TLE2: variants seen among roughly 807,000 people sequenced by gnomAD.
The protein encoded by TLE2 is transducin-like enhancer protein 2.
A neutral mutation model predicts 97.2 loss-of-function variants in TLE2; 74 were observed. That is an observed-to-expected ratio of 0.76 (90% CI 0.63 to 0.92). The LOEUF is 0.92. Ranked by LOEUF, TLE2 falls within the 40% of genes least tolerant of loss-of-function variation. The pLI, the probability that TLE2 is intolerant of heterozygous loss-of-function variation, is 0.00. For synonymous variants in TLE2, 499 were observed against 432.1 expected, an observed-to-expected ratio of 1.15 and a Z score of -1.92; for missense variants, 1,038 against 1,008.7, an observed-to-expected ratio of 1.03 and a Z score of -0.39.
rs1353510564 is a variant in TLE2, at chr19:3,019,943, A to AAT, written c.295-171_295-170insAT. Reference sequence around the variant, plus strand: ...CTCTCCCTTTCCTTTTGGAATTTTGAAATAAGCACACGGAGAAAGAAACCA... The same window carrying AAT: ...CTCTCCCTTTCCTTTTGGAATTTTGAATAATAAGCACACGGAGAAAGAAACCA... On this transcript the variant is annotated intron_variant, in intron 5 of 19. Transcript: ENST00000262953. The surrounding 1 kb of genome is among the most constrained non-coding windows in gnomAD (Gnocchi z 5.1). 1 of 901,862 alleles carries AAT rather than the reference A, an allele frequency of 1.1e-6. No individual in the cohort carries two copies. The highest frequency in any genetic ancestry group is 1.7e-5 in the African/African-American group (1 of 59,620). The allele number at this position is 901,862 out of a possible 1,614,324, so 55.9% of individuals were successfully genotyped here. A position where few individuals can be genotyped will look rare whatever the true frequency, so the allele number is the denominator to read the frequency against.
rs2089989080 is a variant in TLE2, at chr19:3,028,730, T to C, written c.98A>G (p.Gln33Arg). 1 of 1,612,678 alleles carries C rather than the reference T, an allele frequency of 6.2e-7. No individual in the cohort carries two copies. The highest frequency in any genetic ancestry group is 8.5e-7 in the Non-Finnish European group (1 of 1,179,748). ...CCTGTGGTATTGAGCCTGAAGAAAC[T>C]GGAATTCTTCTTTGATGCGGTCGCA... ...EICDRIKEEF[Q>R]FLQAQYHSLK... The change falls in exon 2 of 20, where the codon CAG becomes CGG. Residue 33 changes from glutamine to arginine, a missense_variant. Physicochemically the swap from Gln to Arg is conservative, Grantham distance 43 (BLOSUM62 1). Transcript: ENST00000262953.
At position 3,005,939 on chromosome 19, in the gene TLE2, C is replaced by G; in HGVS notation, c.1530G>C (p.Lys510Asn). The change falls in exon 16 of 20, where the codon AAG becomes AAC. Residue 510 changes from lysine (K) to asparagine (N), a missense_variant. Physicochemically the swap from Lys to Asn is moderately conservative, Grantham distance 94. Coordinates refer to ENST00000262953, the MANE Select transcript of TLE2 (RefSeq NM_003260.5). ...LNRDNYIRSC[K>N]LLPDGRSLIV... The stretch of plus-strand genomic sequence containing the variant: ...TCAGACTCCGGCCATCCGGCAGCAA[C>G]TTGCAGGAACGAATGTAGTTGTCTC... The G allele has an allele frequency of 2.5e-6, 4 of 1,610,866 alleles. No homozygotes were observed. The highest frequency in any genetic ancestry group is 3.4e-6 in the Non-Finnish European group (4 of 1,177,380).
chr19:3,028,810 G>C lies in TLE2; in HGVS notation c.25-7C>G, dbSNP rs202144655. On this transcript the variant is annotated splice_region_variant and splice_polypyrimidine_tract_variant and intron_variant, in intron 1 of 19. Coordinates refer to ENST00000262953, the MANE Select transcript of TLE2 (RefSeq NM_003260.5). ...GGCCGGACTGGAGCGGGGTCTGGGG[G>C]GGGTGTGGGGGAAACGTCAGGGTCT... 8.1e-6 allele frequency: 13 copies of C among 1,612,230 alleles called. No individual in the cohort carries two copies. The highest frequency in any genetic ancestry group is 1.7e-4 in the Middle Eastern group (1 of 6,042).
intron 1 of TLE2, among the ~76,000 whole-genome samples, chr19:3,045,309 T>C (rs972447126): frequency 1.3e-5 from 2 of 152,206 alleles, no homozygotes; most frequent in African/African-American, 2.4e-5. Context: ...AGGCCCTACC[T>C]GGGACCATGC....
intron 10 of TLE2, 136 bp from the exon 11 acceptor site, chr19:3,013,954 T>G: frequency 1.1e-6 from 1 of 889,650 alleles, no homozygotes; most frequent in East Asian, 3.1e-5. Context: ...TTATGAAATC[T>G]TCTGCTGCCT....
At chr19:2,998,248 T>C (rs2089265304) in intron 19 of TLE2, among the ~76,000 whole-genome samples, 2 of 110,046 alleles carry the variant, frequency 1.8e-5, no homozygotes, top group African/African-American at 1.3e-4. Flanking sequence ...TGTGTGTGTG[T>C]GTGTGTGTGT....
intron 18 of TLE2, among the ~76,000 whole-genome samples, chr19:3,001,861 G>A (rs1387492234): frequency 7.4e-6 from 1 of 135,210 alleles, no homozygotes; most frequent in East Asian, 2.2e-4. Flanking sequence ...GCAGTGGCAT[G>A]ATCTTGGCTC....
chr19:3,028,798 C>T lies in TLE2; in HGVS notation c.30G>A (p.Pro10=). Reference sequence around the variant, plus strand: ...ACTTGAAGGGCTGGCCGGACTGGAGCGGGGTCTGGGGGGGGTGTGGGGGAA... The same window carrying T: ...ACTTGAAGGGCTGGCCGGACTGGAGTGGGGTCTGGGGGGGGTGTGGGGGAA... MYPQGRHPT[P]LQSGQPFKFS... The change falls in exon 2 of 20, where the codon CCG becomes CCA. Residue 10 remains proline, a synonymous_variant. Coordinates refer to ENST00000262953, the MANE Select transcript of TLE2 (RefSeq NM_003260.5). The T allele has an allele frequency of 6.7e-7, 1 of 1,502,470 alleles. No individual in the cohort carries two copies. 93.1% of individuals were successfully genotyped at this position (1,502,470 alleles called of 1,614,324 possible).
At chr19:3,022,702 C>T (rs964435487) in intron 5 of TLE2, among the ~76,000 whole-genome samples, 7 of 152,272 alleles carry the variant, frequency 4.6e-5, no homozygotes, top group Non-Finnish European at 7.3e-5. Context: ...CTCCTGAAGA[C>T]AGACATCTGG....
At chr19:3,025,266 G>T (rs1221053169) in intron 4 of TLE2, 184 bp from the exon 5 acceptor site, 11 of 1,114,224 alleles carry the variant, frequency 9.9e-6, no homozygotes, top group Admixed American at 3.3e-5. Flanking sequence ...CCACCAGGCT[G>T]CGTGCTCAGC....
chr19:2,998,192 T>C (rs1456205572), intron 19 of TLE2, among the ~76,000 whole-genome samples: 1 of 150,476 alleles, frequency 6.6e-6, no homozygotes, highest in African/African-American at 2.5e-5. Flanking sequence ...TGCCTCAGCC[T>C]CCCAAATAGC....
upstream of TLE2, among the ~76,000 whole-genome samples, chr19:3,046,376 T>G (rs540354020): frequency 6.6e-6 from 1 of 152,340 alleles, no homozygotes; most frequent in South Asian, 2.1e-4. Flanking sequence ...GAATGTCTAA[T>G]GCGTCCTAGC....
chr19:3,019,837 T>G lies in TLE2; in HGVS notation c.295-64A>C, dbSNP rs1370958516. 1 of 1,555,846 alleles carries G rather than the reference T, an allele frequency of 6.4e-7. No individual in the cohort carries two copies. The highest frequency in any genetic ancestry group is 1.4e-5 in the African/African-American group (1 of 73,624). On this transcript the variant is annotated intron_variant, in intron 5 of 19. Transcript: ENST00000262953. This position sits in a 1 kb window ranked among gnomAD's most constrained non-coding sequence, Gnocchi z 5.1. ...CCCCTGCTCATGCTAGCGGTGCCCT[T>G]GGGGACCTGACCTCTCCCCGCCACC...
intron 4 of TLE2, chr19:3,025,305 G>A: frequency 1.7e-5 from 22 of 1,267,306 alleles, no homozygotes; most frequent in Non-Finnish European, 2.3e-5. Flanking sequence ...GCCTGGAGCT[G>A]GGAAGACCAG....
chr19:3,045,276 C>T (rs953247102), intron 1 of TLE2, among the ~76,000 whole-genome samples: 9 of 152,164 alleles, frequency 5.9e-5, no homozygotes, highest in African/African-American at 1.9e-4. Context: ...GAAGTAGGAA[C>T]AGCGTGTTCC....
chr19:3,039,022 A>G (rs1307872419), intron 1 of TLE2, among the ~76,000 whole-genome samples: 1 of 151,314 alleles, frequency 6.6e-6, no homozygotes, highest in East Asian at 1.9e-4. Flanking sequence ...CAGCCTGGGC[A>G]ACAAGAGCAA....
At chr19:3,044,008 A>AAC (rs1326477413) in intron 1 of TLE2, among the ~76,000 whole-genome samples, 2 of 151,418 alleles carry the variant, frequency 1.3e-5, no homozygotes, top group Non-Finnish European at 2.9e-5. Flanking sequence ...AAACAACAAC[A>AAC]ACAAAAATAC....
upstream of TLE2, among the ~76,000 whole-genome samples, chr19:3,032,451 T>A (rs2090032703): frequency 6.6e-6 from 1 of 152,156 alleles, no homozygotes; most frequent in African/African-American, 2.4e-5. The surrounding 1 kb of genome is among the most constrained non-coding windows in gnomAD (Gnocchi z 4.1). Flanking sequence ...TTGGCCAGGC[T>A]GGTCGCAAAC....
At chr19:3,043,998 AAAC>A (rs1303106660) in intron 1 of TLE2, among the ~76,000 whole-genome samples, 2 of 151,384 alleles carry the variant, frequency 1.3e-5, no homozygotes, top group Admixed American at 6.6e-5. Flanking sequence ...ACAAAAAACA[AAAC>A]AACAACAACA....
Sources: gnomAD v4.1 joint callset for allele counts (sites outside exome capture counted in the v4.1 genomes callset) on GRCh38, gnomAD v4.1.1 for gene constraint, Gnocchi (gnomAD v3.1) non-coding constraint, MANE v1.5 for transcripts, NCBI Gene and HGNC (gene_info 2026-07-23, HGNC 2026-07-21) for gene names.